The following ZZZ3 variants were observed in gnomAD, a reference collection of about 807,000 sequenced individuals.
The protein encoded by ZZZ3 is ZZ-type zinc finger-containing protein 3.
Under a neutral mutation model 95.2 loss-of-function variants are expected in ZZZ3, and 22 were observed. That is an observed-to-expected ratio of 0.23 (90% confidence interval 0.17 to 0.33). ZZZ3 has a LOEUF of 0.33. Among genes scored for constraint, ZZZ3 ranks in the 10% least tolerant of loss-of-function variants. ZZZ3 has a pLI of 1.00. For synonymous variants in ZZZ3, 335 were observed against 358.9 expected (o/e 0.93, Z 0.75); for missense variants, 885 against 1,066.5 (o/e 0.83, Z 2.37).
intron 5 of ZZZ3, among the ~76,000 whole-genome samples, chr1:77,604,418 C>G (rs1557717674): frequency 6.6e-6 from 1 of 152,136 alleles, no homozygotes; most frequent in Non-Finnish European, 1.5e-5. Flanking sequence ...TGAAATAACT[C>G]TAAACATTAA....
rs193140998 is a variant in ZZZ3 at position 77,633,413 on chromosome 1, A to C, written c.-51-8T>G. ...ATCCACTCATTGGGAAACCTTCAAA[A>C]ATGTAAACAAAATAATGAGAAAAAG... On this transcript the variant is annotated splice_polypyrimidine_tract_variant and splice_region_variant and intron_variant, in intron 4 of 14. Coordinates refer to ENST00000370801, the MANE Select transcript of ZZZ3 (RefSeq NM_015534.6). 14 of 1,506,546 alleles carry C rather than the reference A, an allele frequency of 9.3e-6. No homozygotes were observed. The East Asian group carries it at 3.0e-4, about 32-fold the overall frequency. 93.3% of individuals were successfully genotyped at this position (1,506,546 alleles called of 1,614,324 possible).
At chr1:77,620,941 T>G (rs1666794156) in intron 5 of ZZZ3, among the ~76,000 whole-genome samples, 1 of 151,792 alleles carries the variant, frequency 6.6e-6, no homozygotes, top group Non-Finnish European at 1.5e-5. Context: ...AAGAAGTGAG[T>G]CCAAAACCAT....
intron 5 of ZZZ3, among the ~76,000 whole-genome samples, chr1:77,610,485 T>G (rs550284345): frequency 1.3e-5 from 2 of 151,556 alleles, no homozygotes; most frequent in African/African-American, 4.8e-5. Flanking sequence ...ACCCTGATAC[T>G]CAAACCAGAC....
chr1:77,658,219 A>G (rs1289763242), intron 1 of ZZZ3, among the ~76,000 whole-genome samples: 1 of 146,972 alleles, frequency 6.8e-6, no homozygotes, highest in African/African-American at 2.5e-5. Flanking sequence ...ATACTAGTGT[A>G]TTCTCTTCCA....
At chr1:77,670,329 G>A (rs889018030) in intron 1 of ZZZ3, among the ~76,000 whole-genome samples, 3 of 151,488 alleles carry the variant, frequency 2.0e-5, no homozygotes, top group African/African-American at 7.3e-5. Context: ...GCATGATCTC[G>A]GTTCACTGCA....
At chr1:77,626,298 CACATT>C (rs1190704197) in intron 5 of ZZZ3, among the ~76,000 whole-genome samples, 5 of 152,174 alleles carry the variant, frequency 3.3e-5, no homozygotes, top group African/African-American at 1.2e-4. Context: ...ATGATTCAAG[CACATT>C]ACATTTACTG....
At chr1:77,631,476 C>T (rs578020809) in intron 5 of ZZZ3, among the ~76,000 whole-genome samples, 3 of 152,104 alleles carry the variant, frequency 2.0e-5, no homozygotes, top group Non-Finnish European at 4.4e-5. Flanking sequence ...TGTCTAAGCA[C>T]TCATTAATTG....
chr1:77,636,092 T>C (rs560678867), intron 4 of ZZZ3, among the ~76,000 whole-genome samples: 4 of 152,282 alleles, frequency 2.6e-5, no homozygotes, highest in African/African-American at 9.6e-5. Flanking sequence ...CTACAAAATC[T>C]AATACATATT....
At chr1:77,639,928 G>T (rs1401572170) in intron 3 of ZZZ3, among the ~76,000 whole-genome samples, 53 of 149,116 alleles carry the variant, frequency 3.6e-4, no homozygotes, top group African/African-American at 1.3e-3. Context: ...CGGTGATAAA[G>T]GTTGCCCTTG....
chr1:77,671,673 G>A (rs566673325), intron 1 of ZZZ3, among the ~76,000 whole-genome samples: 1 of 152,210 alleles, frequency 6.6e-6, no homozygotes, highest in South Asian at 2.1e-4. Flanking sequence ...AATGAATAGA[G>A]TATCTAGCAT....
In ZZZ3 at chr1:77,576,218, A is replaced by G. The variant is rs1661923408; in HGVS notation, c.2181T>C (p.Ser727=). 1 of 1,573,442 alleles carries G rather than the reference A, an allele frequency of 6.4e-7. No individual in the cohort carries two copies. The highest frequency in any genetic ancestry group is 2.2e-5 in the East Asian group (1 of 44,492). The stretch of plus-strand genomic sequence containing the variant: ...GAGGGTGCTGTCGTCTGCTTGTTGA[A>G]GACTAAGTAAGAAAACAAATTTTTA... ...TPNLYIYSKK[S]STSRRQHPLN... Residue 727 remains serine, a splice_region_variant and synonymous_variant, in exon 12 of 15, where the codon TCT becomes TCC. Transcript: ENST00000370801.
chr1:77,655,552 T>G (rs955078534), intron 1 of ZZZ3, among the ~76,000 whole-genome samples: 7 of 152,202 alleles, frequency 4.6e-5, no homozygotes, highest in African/African-American at 1.2e-4. Context: ...AATAAATGGC[T>G]GTTGTTTATT....
At chr1:77,607,173 T>C (rs1194628899) in intron 5 of ZZZ3, among the ~76,000 whole-genome samples, 2 of 152,148 alleles carry the variant, frequency 1.3e-5, no homozygotes, top group African/African-American at 4.8e-5. Flanking sequence ...GGCCTCACAA[T>C]CATGGCTGAA....
chr1:77,570,638 GTTATTTTATTTTTATTTTTA>G (rs950297497), intron 12 of ZZZ3, among the ~76,000 whole-genome samples: 1 of 150,522 alleles, frequency 6.6e-6, no homozygotes, highest in African/African-American at 2.4e-5. Flanking sequence ...ACTTTTTCCT[GTTATTTTATTTTTATTTTTA>G]TTATTTTATT....
chr1:77,579,408 C>A, intron 10 of ZZZ3, 119 bp downstream of exon 10: 1 of 731,738 alleles, frequency 1.4e-6, no homozygotes, highest in Non-Finnish European at 2.3e-6. Flanking sequence ...ACACCACATA[C>A]TACAGCACTC....
chr1:77,660,379 G>C (rs1047359211), intron 1 of ZZZ3, among the ~76,000 whole-genome samples: 1 of 151,910 alleles, frequency 6.6e-6, no homozygotes, highest in Non-Finnish European at 1.5e-5. Flanking sequence ...CATTAACTCC[G>C]CATATCCCCC....
At chr1:77,588,731 T>C (rs768409119) in intron 5 of ZZZ3, among the ~76,000 whole-genome samples, 29 of 152,190 alleles carry the variant, frequency 1.9e-4, no homozygotes, top group Non-Finnish European at 2.8e-4. Context: ...AAATTACACA[T>C]ATTTTTGCCT....
At chr1:77,593,407 A>C (rs1159167143) in intron 5 of ZZZ3, among the ~76,000 whole-genome samples, 1 of 152,268 alleles carries the variant, frequency 6.6e-6, no homozygotes, top group African/African-American at 2.4e-5. Flanking sequence ...ACATACAAAT[A>C]TCACAAACAT....
chr1:77,579,020 T>C (rs1429108330), intron 10 of ZZZ3, 151 bp from the exon 11 acceptor site: 8 of 423,542 alleles, frequency 1.9e-5, no homozygotes, highest in Admixed American at 4.4e-5. Context: ...TGCCACCAAA[T>C]ACACATATAT....
Sources: gnomAD v4.1 joint callset for allele counts (sites outside exome capture counted in the v4.1 genomes callset) on GRCh38, gnomAD v4.1.1 for gene constraint, MANE v1.5 for transcripts, NCBI Gene and HGNC (gene_info 2026-07-23, HGNC 2026-07-21) for gene names.